Variants in ST18 observed in about 807,000 individuals in gnomAD.
ST18 encodes the protein ST18 C2H2C-type zinc finger transcription factor.
ST18 carries 50 observed loss-of-function variants against 110.0 expected under a neutral mutation model. The observed-to-expected ratio is 0.45, with a 90% CI of 0.36 to 0.58. The LOEUF (loss-of-function observed/expected upper bound fraction) is 0.58. Ranked by LOEUF, ST18 falls within the 20% of genes least tolerant of loss-of-function variation. ST18 has a pLI of 0.00. For synonymous variants in ST18, 461 were observed against 452.4 expected, an observed-to-expected ratio of 1.02 and a Z score of -0.24; for missense variants, 1,306 against 1,280.1, an observed-to-expected ratio of 1.02 and a Z score of -0.31.
At chr8:52,274,093 T>C (rs1462258390) in intron 2 of ST18, among the ~76,000 whole-genome samples, 1 of 152,148 alleles carries the variant, frequency 6.6e-6, no homozygotes, top group Non-Finnish European at 1.5e-5. Context: ...CCAGATAACC[T>C]GGCAAACTTT....
intron 3 of ST18, chr8:52,229,749 T>G (rs1297810408): frequency 6.6e-6 from 1 of 152,222 alleles, no homozygotes; most frequent in Non-Finnish European, 1.5e-5. Context: ...GTCTACCACA[T>G]TTTAAAATCA....
intron 17 of ST18, among the ~76,000 whole-genome samples, chr8:52,139,188 T>C (rs2053776814): frequency 6.6e-6 from 1 of 152,108 alleles, no homozygotes; most frequent in African/African-American, 2.4e-5. Context: ...GCAAGTGCCA[T>C]TCACTCACTA....
In ST18 at chr8:52,172,319, T is replaced by A; in HGVS notation, c.542A>T (p.Asp181Val). 1.2e-6 allele frequency: 2 copies of A among 1,614,216 alleles called. No individual in the cohort carries two copies. Among genetic ancestry groups the A allele is most frequent in the Non-Finnish European group, 1.7e-6 (2 of 1,180,048 alleles). The change falls in exon 10 of 26, where the codon GAT (aspartate) becomes GTT (valine). Residue 181 changes from aspartate to valine, a missense_variant. Physicochemically the swap from Asp to Val is radical, Grantham distance 152. Coordinates refer to ENST00000689386, the MANE Select transcript of ST18 (RefSeq NM_001352837.2). Reference protein sequence around the residue: ...HSDDGRDKIDDSQPPFCSSDD... With the variant: ...HSDDGRDKIDVSQPPFCSSDD... ...AGAGGAGCAGAAGGGTGGCTGAGAA[T>A]CATCAATCTTGTCTCTTCCATCATC... is the stretch of plus-strand genomic sequence containing the variant.
chr8:52,182,122 G>C (rs764804532), intron 8 of ST18, among the ~76,000 whole-genome samples: 1 of 152,144 alleles, frequency 6.6e-6, no homozygotes, highest in African/African-American at 2.4e-5. Context: ...AGGCTCCTAC[G>C]TCATTCAGAT....
At chr8:52,299,253 T>C (rs2095679777) in intron 2 of ST18, among the ~76,000 whole-genome samples, 1 of 152,208 alleles carries the variant, frequency 6.6e-6, no homozygotes, top group African/African-American at 2.4e-5. Flanking sequence ...TCATAGTTCT[T>C]ATTTCTTTGT....
At chr8:52,388,893 C>T (rs868348278) in intron 2 of ST18, among the ~76,000 whole-genome samples, 9 of 149,848 alleles carry the variant, frequency 6.0e-5, no homozygotes, top group Non-Finnish European at 1.0e-4. Context: ...TGCAGCACAC[C>T]AGCATGGCAC....
chr8:52,395,928 A>G (rs1008787304), intron 2 of ST18, among the ~76,000 whole-genome samples: 1 of 152,256 alleles, frequency 6.6e-6, no homozygotes, highest in African/African-American at 2.4e-5. Flanking sequence ...ATTGAAAAGC[A>G]TGCAAACACA....
chr8:52,206,066 G>C (rs937571001), intron 8 of ST18, among the ~76,000 whole-genome samples: 1 of 152,268 alleles, frequency 6.6e-6, no homozygotes, highest in Non-Finnish European at 1.5e-5. Context: ...CAGGAGGTGC[G>C]GGGTCTGGAC....
chr8:52,208,598 G>A (rs1253196426), intron 8 of ST18, among the ~76,000 whole-genome samples: 5 of 152,304 alleles, frequency 3.3e-5, no homozygotes, highest in South Asian at 2.1e-4. Flanking sequence ...AGGCCGAGGC[G>A]GGAGGATCAC....
chr8:52,338,080 C>T (rs926188478), intron 2 of ST18, among the ~76,000 whole-genome samples: 68 of 152,118 alleles, frequency 4.5e-4, no homozygotes, highest in African/African-American at 1.6e-3. Context: ...ATTTTTGAGA[C>T]AGAGTGTCAC....
At chr8:52,346,728 C>T (rs1437977356) in intron 2 of ST18, among the ~76,000 whole-genome samples, 1 of 152,090 alleles carries the variant, frequency 6.6e-6, no homozygotes, top group East Asian at 1.9e-4. Flanking sequence ...TCCAGCAAAA[C>T]TTCAAGTGTG....
At chr8:52,311,565 T>G (rs1554823348) in intron 2 of ST18, among the ~76,000 whole-genome samples, 14 of 152,132 alleles carry the variant, frequency 9.2e-5, no homozygotes, top group Non-Finnish European at 2.9e-5. Context: ...TAATTTATTT[T>G]AAAAAAGAGG....
chr8:52,307,116 C>T (rs995119430), intron 2 of ST18, among the ~76,000 whole-genome samples: 4 of 151,840 alleles, frequency 2.6e-5, no homozygotes, highest in African/African-American at 7.3e-5. Context: ...TCCAGAAGTT[C>T]GAGACCAACC....
chr8:52,333,861 T>C (rs1810789463), intron 2 of ST18, among the ~76,000 whole-genome samples: 1 of 152,296 alleles, frequency 6.6e-6, no homozygotes, highest in South Asian at 2.1e-4. Flanking sequence ...ATTGCACAAG[T>C]TTATTGCTTT....
chr8:52,279,260 T>TA (rs2095330571), intron 2 of ST18, among the ~76,000 whole-genome samples: 1 of 151,970 alleles, frequency 6.6e-6, no homozygotes, highest in Non-Finnish European at 1.5e-5. Flanking sequence ...CATCTAGGAA[T>TA]AAAAAATATA....
At chr8:52,316,810 T>G (rs2096037456) in intron 2 of ST18, among the ~76,000 whole-genome samples, 1 of 152,218 alleles carries the variant, frequency 6.6e-6, no homozygotes, top group African/African-American at 2.4e-5. Context: ...ATATTACATC[T>G]TTAAACTTCT....
intron 2 of ST18, among the ~76,000 whole-genome samples, chr8:52,253,694 C>T (rs1189923703): frequency 2.0e-5 from 3 of 152,072 alleles, no homozygotes; most frequent in Admixed American, 1.3e-4. Flanking sequence ...AAAGATCTCC[C>T]CAATTCTAGA....
chr8:52,130,977 A>T (rs1227724703), intron 22 of ST18, among the ~76,000 whole-genome samples: 1 of 152,224 alleles, frequency 6.6e-6, no homozygotes, highest in Admixed American at 6.5e-5. Context: ...AATGTGTGCT[A>T]TTGTGGACAT....
intron 12 of ST18, 90 bp from the exon 13 acceptor site, chr8:52,164,180 C>T: frequency 9.4e-7 from 1 of 1,063,188 alleles, no homozygotes; most frequent in Admixed American, 1.8e-5. Context: ...TTGGCACACA[C>T]TAAATGTTAA....
Sources: gnomAD v4.1 joint callset for allele counts (sites outside exome capture counted in the v4.1 genomes callset) on GRCh38, gnomAD v4.1.1 for gene constraint, MANE v1.5 for transcripts, NCBI Gene and HGNC (gene_info 2026-07-23, HGNC 2026-07-21) for gene names.